COMMD1: variants seen among roughly 807,000 people sequenced by gnomAD.
COMMD1 encodes the protein copper metabolism domain containing 1.
In COMMD1, 10 loss-of-function variants were observed where a neutral mutation model predicts 17.2. The ratio of observed to expected loss-of-function variants is 0.58; its 90% CI spans 0.36 to 0.99. The LOEUF is 0.99. Ranked by LOEUF, COMMD1 falls within the 50% of genes least tolerant of loss-of-function variation. COMMD1 has a pLI of 0.01. For synonymous variants in COMMD1, 97 were observed against 91.6 expected, an observed-to-expected ratio of 1.06 and a Z score of -0.34; for missense variants, 270 against 231.8, an observed-to-expected ratio of 1.17 and a Z score of -1.07.
At chr2:62,072,468 C>T (rs1671223144) in intron 2 of COMMD1, among the ~76,000 whole-genome samples, 1 of 152,214 alleles carries the variant, frequency 6.6e-6, no homozygotes, top group Non-Finnish European at 1.5e-5. Context: ...CTGCTGAGAG[C>T]TGTTCTGTCA....
chr2:62,101,390 A>T (rs1672173197), intron 2 of COMMD1, among the ~76,000 whole-genome samples: 1 of 152,280 alleles, frequency 6.6e-6, no homozygotes, highest in African/African-American at 2.4e-5. Context: ...TGGGAGGATC[A>T]CTTCAGCCCA....
At chr2:62,095,073 A>G (rs1363129390) in intron 2 of COMMD1, among the ~76,000 whole-genome samples, 1 of 152,238 alleles carries the variant, frequency 6.6e-6, no homozygotes, top group Non-Finnish European at 1.5e-5. Flanking sequence ...ACACATGTGC[A>G]ATAATTCTCA....
intron 2 of COMMD1, among the ~76,000 whole-genome samples, chr2:62,109,697 T>G (rs901633799): frequency 6.6e-6 from 1 of 152,150 alleles, no homozygotes; most frequent in Non-Finnish European, 1.5e-5. Flanking sequence ...GTCTTCATGA[T>G]CTCCCTGTAA....
intron 2 of COMMD1, among the ~76,000 whole-genome samples, chr2:62,033,178 T>C (rs1669955026): frequency 6.6e-6 from 1 of 152,194 alleles, no homozygotes; most frequent in African/African-American, 2.4e-5. Context: ...TATTTTGTAC[T>C]AGCTTAAAAA....
chr2:62,001,428 C>G (rs1450742338), intron 2 of COMMD1, among the ~76,000 whole-genome samples: 1 of 152,170 alleles, frequency 6.6e-6, no homozygotes, highest in African/African-American at 2.4e-5. Flanking sequence ...TTCGTAAAGA[C>G]CCCTAAATGT....
At chr2:61,900,981 C>G (rs1669643877), upstream of COMMD1, among the ~76,000 whole-genome samples, 1 of 152,164 alleles carries the variant, frequency 6.6e-6, no homozygotes, top group Admixed American at 6.5e-5. Context: ...CAGTCTTACT[C>G]TGTCACCCAG....
chr2:61,978,543 C>CA (rs1462975888), intron 1 of COMMD1, among the ~76,000 whole-genome samples: 2 of 152,064 alleles, frequency 1.3e-5, no homozygotes, highest in African/African-American at 4.8e-5. Context: ...TTTAAAATAA[C>CA]AGTCATTTTG....
intron 1 of COMMD1, among the ~76,000 whole-genome samples, chr2:61,971,026 A>T (rs968554672): frequency 9.9e-5 from 15 of 152,006 alleles, no homozygotes; most frequent in African/African-American, 3.6e-4. Context: ...CTTCCACCTC[A>T]GCCTCCGGAG....
intron 1 of COMMD1, among the ~76,000 whole-genome samples, chr2:61,893,518 T>C (rs1669482916): frequency 1.3e-5 from 2 of 149,818 alleles, no homozygotes; most frequent in Non-Finnish European, 1.5e-5. Context: ...ATTGTAGTAC[T>C]AACAAGAGTT....
At chr2:62,105,559 C>T (rs1672307075) in intron 2 of COMMD1, among the ~76,000 whole-genome samples, 1 of 152,154 alleles carries the variant, frequency 6.6e-6, no homozygotes, top group South Asian at 2.1e-4. Flanking sequence ...TGCGGTGGCT[C>T]ACGCCTATAA....
chr2:62,030,545 G>C (rs561174865), intron 2 of COMMD1, among the ~76,000 whole-genome samples: 1 of 152,100 alleles, frequency 6.6e-6, no homozygotes, highest in African/African-American at 2.4e-5. Context: ...AGTGTCTCCT[G>C]GGGGCAAAAA....
At chr2:61,955,842 C>T (rs753768388) in intron 1 of COMMD1, among the ~76,000 whole-genome samples, 2 of 151,996 alleles carry the variant, frequency 1.3e-5, no homozygotes, top group Admixed American at 6.6e-5. Context: ...CCCACCACCA[C>T]GCCAGGCTAA....
At chr2:62,015,058 G>A (rs1203657889) in intron 2 of COMMD1, among the ~76,000 whole-genome samples, 1 of 152,004 alleles carries the variant, frequency 6.6e-6, no homozygotes, top group African/African-American at 2.4e-5. Context: ...CAAAGCACTC[G>A]GATTACAGAT....
At chr2:62,072,733 C>T (rs1433333419) in intron 2 of COMMD1, among the ~76,000 whole-genome samples, 3 of 152,326 alleles carry the variant, frequency 2.0e-5, no homozygotes, top group South Asian at 2.1e-4. Context: ...CGGGCACCAC[C>T]GCATTCCCCA....
At chr2:62,092,007 A>G (rs1671843342) in intron 2 of COMMD1, among the ~76,000 whole-genome samples, 1 of 152,150 alleles carries the variant, frequency 6.6e-6, no homozygotes, top group South Asian at 2.1e-4. Context: ...TTACATCCTG[A>G]TCTGTATCAT....
At chr2:62,060,960 C>T (rs1030616718) in intron 2 of COMMD1, among the ~76,000 whole-genome samples, 1 of 152,034 alleles carries the variant, frequency 6.6e-6, no homozygotes, top group Non-Finnish European at 1.5e-5. Context: ...TTTTAGTTCA[C>T]TGATCCTTCC....
At chr2:62,045,693 A>C (rs1280901439) in intron 2 of COMMD1, among the ~76,000 whole-genome samples, 1 of 144,444 alleles carries the variant, frequency 6.9e-6, no homozygotes, top group Non-Finnish European at 1.5e-5. Context: ...TGAGCCACCA[A>C]ATCTGGCCTC....
At chr2:61,908,998 G>A (rs4672467) in intron 1 of COMMD1, among the ~76,000 whole-genome samples, 9,863 of 151,702 alleles carry the variant, frequency 0.065, 568 homozygotes, top group African/African-American at 0.15. Context: ...GTGCAATCTC[G>A]GCTCTCCGCA....
intron 1 of COMMD1, among the ~76,000 whole-genome samples, chr2:61,932,250 C>G (rs1268674421): frequency 2.6e-5 from 4 of 152,160 alleles, no homozygotes; most frequent in Non-Finnish European, 5.9e-5. Context: ...ATACAAAAGG[C>G]ACAAGTGGAT....
Sources: allele counts gnomAD v4.1 joint callset (sites outside exome capture counted in the v4.1 genomes callset), GRCh38; gene constraint gnomAD v4.1.1; transcripts MANE v1.5; gene names NCBI Gene and HGNC (gene_info 2026-07-23, HGNC 2026-07-21).